MEOX1: variants seen among roughly 807,000 people sequenced by gnomAD.
MEOX1 encodes the protein homeobox protein MOX-1.
Under a neutral mutation model 23.2 loss-of-function variants are expected in MEOX1, and 17 were observed. The observed-to-expected ratio is 0.73, with a 90% confidence interval of 0.50 to 1.10. The LOEUF (loss-of-function observed/expected upper bound fraction) is 1.10. Among genes scored for constraint, MEOX1 ranks in the 50% least tolerant of loss-of-function variants. MEOX1 has a pLI of 0.00. For missense variants in MEOX1, 333 were observed against 332.2 expected, an observed-to-expected ratio of 1.00 and a Z score of -0.02; for synonymous variants, 134 against 135.1, an observed-to-expected ratio of 0.99 and a Z score of 0.06.
chr17:43,644,075 A>G (rs947378234), intron 1 of MEOX1, among the ~76,000 whole-genome samples: 1 of 152,186 alleles, frequency 6.6e-6, no homozygotes, highest in Non-Finnish European at 1.5e-5. Flanking sequence ...ATTACCTGAG[A>G]GCTTGTTACA....
At chr17:43,644,611 C>T (rs1179538990) in intron 1 of MEOX1, among the ~76,000 whole-genome samples, 1 of 152,188 alleles carries the variant, frequency 6.6e-6, no homozygotes, top group African/African-American at 2.4e-5. Flanking sequence ...CGATTTGACA[C>T]ACACATACTG....
chr17:43,646,111 G>T (rs1972806735), intron 1 of MEOX1, among the ~76,000 whole-genome samples: 1 of 152,160 alleles, frequency 6.6e-6, no homozygotes, highest in South Asian at 2.1e-4. Flanking sequence ...CCGCCCGCGG[G>T]GCGCGCCCGG....
chr17:43,661,149 C>A lies in MEOX1; in HGVS notation c.386G>T (p.Gly129Val), dbSNP rs908127062. The stretch of plus-strand genomic sequence containing the variant: ...AAGCACCCCGTAGTCATCGCCTGGG[C>A]CTCCTGTGGTGTCCACCAGGCCCAG... ...SSLGLVDTTG[G>V]PGDDYGVLGS... Residue 129 changes from glycine (G) to valine (V), a missense_variant, in exon 1 of 3, where the codon GGC becomes GTC. Transcript: ENST00000318579. 5.1e-6 allele frequency: 8 copies of A among 1,560,594 alleles called. No individual in the cohort carries two copies. The highest frequency in any genetic ancestry group is 6.1e-6 in the Non-Finnish European group (7 of 1,156,346).
intron 1 of MEOX1, among the ~76,000 whole-genome samples, chr17:43,648,059 A>G (rs1193951890): frequency 1.3e-5 from 2 of 152,234 alleles, no homozygotes; most frequent in Non-Finnish European, 2.9e-5. Flanking sequence ...ACAGTATTAC[A>G]AATTGCAATA....
At chr17:43,659,496 A>G (rs1973100999) in intron 1 of MEOX1, among the ~76,000 whole-genome samples, 1 of 152,108 alleles carries the variant, frequency 6.6e-6, no homozygotes, top group Admixed American at 6.5e-5. Flanking sequence ...TTTGAAATCT[A>G]CTGAAGGGGG....
At chr17:43,645,536 C>T (rs1383956467) in intron 1 of MEOX1, among the ~76,000 whole-genome samples, 1 of 152,166 alleles carries the variant, frequency 6.6e-6, no homozygotes, top group Admixed American at 6.5e-5. Context: ...TTTACCGAAA[C>T]CTGCGGCCCA....
rs1972749501 is a variant in MEOX1 at position 43,643,753 on chromosome 17, G to T, written c.470-93C>A. 11 of 938,766 alleles carry T rather than the reference G, an allele frequency of 1.2e-5. 1 individual carries two copies. Among genetic ancestry groups the T allele is most frequent in the Middle Eastern group, 2.2e-4 (1 of 4,504 alleles). The allele number at this position is 938,766 out of a possible 1,614,324, so 58.2% of individuals were successfully genotyped here. A position where few individuals can be genotyped will look rare whatever the true frequency, so the allele number is the denominator to read the frequency against. On this transcript the variant is annotated intron_variant, in intron 1 of 2. Coordinates refer to ENST00000318579, the MANE Select transcript of MEOX1 (RefSeq NM_004527.4). ...TTGAGCAACTAGGCAGTCTTTACCA[G>T]TCTCCCTTATTTTTACAGGATGCTG...
intron 1 of MEOX1, among the ~76,000 whole-genome samples, chr17:43,646,728 C>A (rs1972822092): frequency 6.6e-6 from 1 of 152,254 alleles, no homozygotes; most frequent in South Asian, 2.1e-4. Context: ...GTAATCCCAG[C>A]ACTTTGGGAA....
In MEOX1 at chr17:43,643,475, A is replaced by T. The variant is rs544228550; in HGVS notation, c.642+13T>A. 6.4e-7 allele frequency: 1 copy of T among 1,560,910 alleles called. No homozygotes were observed. The highest frequency in any genetic ancestry group is 1.4e-5 in the African/African-American group (1 of 73,882). ...AGAGAGCAAAGAAGAGGAGGGGCCC[A>T]CCGGGGGCGCACCTGGCGCTCAGAG... On this transcript the variant is annotated intron_variant, in intron 2 of 2. Transcript: ENST00000318579.
At chr17:43,649,073 A>G (rs907879621) in intron 1 of MEOX1, among the ~76,000 whole-genome samples, 4 of 152,184 alleles carry the variant, frequency 2.6e-5, no homozygotes, top group African/African-American at 4.8e-5. Flanking sequence ...TGTGCTTATC[A>G]GGCTGAGAAG....
At chr17:43,654,456 C>G (rs143680266) in intron 1 of MEOX1, among the ~76,000 whole-genome samples, 1 of 151,564 alleles carries the variant, frequency 6.6e-6, no homozygotes, top group Non-Finnish European at 1.5e-5. Flanking sequence ...TGCAGTGAGC[C>G]GTGATCACGC....
chr17:43,652,917 T>C (rs1002190459), intron 1 of MEOX1, among the ~76,000 whole-genome samples: 34 of 145,870 alleles, frequency 2.3e-4, no homozygotes, highest in African/African-American at 6.6e-4. Flanking sequence ...CTGCAAGCTG[T>C]GCCTCCCAGG....
intron 1 of MEOX1, among the ~76,000 whole-genome samples, chr17:43,659,991 T>C (rs536315753): frequency 2.6e-5 from 4 of 152,318 alleles, no homozygotes; most frequent in African/African-American, 7.2e-5. Context: ...CACCTGTTGG[T>C]TGGTGTCCTT....
At chr17:43,645,239 C>A (rs999344916) in intron 1 of MEOX1, among the ~76,000 whole-genome samples, 3 of 136,490 alleles carry the variant, frequency 2.2e-5, no homozygotes, top group African/African-American at 8.4e-5. Flanking sequence ...TGCAGTGGTG[C>A]GATCTCGGCT....
intron 2 of MEOX1, among the ~76,000 whole-genome samples, chr17:43,642,887 C>T (rs540363700): frequency 1.3e-5 from 2 of 152,200 alleles, no homozygotes; most frequent in South Asian, 4.1e-4. Flanking sequence ...ATAGCCAGAC[C>T]GTAGGTCCCA....
intron 1 of MEOX1, among the ~76,000 whole-genome samples, chr17:43,654,119 C>T (rs1972968252): frequency 6.6e-6 from 1 of 152,138 alleles, no homozygotes; most frequent in South Asian, 2.1e-4. Flanking sequence ...AACCCCAGTA[C>T]CTTAGAGTGT....
rs529262028 is a variant in MEOX1, at chr17:43,643,680, A to G, written c.470-20T>C. On this transcript the variant is annotated intron_variant, in intron 1 of 2. Transcript: ENST00000318579. Reference sequence around the variant, plus strand: ...GGTTGTCTGGGGAGAGAGGACCCCAAACAGGAAGACATGGGCTGAGGGAGA... The same window carrying G: ...GGTTGTCTGGGGAGAGAGGACCCCAGACAGGAAGACATGGGCTGAGGGAGA... The G allele has an allele frequency of 1.9e-6, 3 of 1,607,706 alleles. No homozygotes were observed. Among genetic ancestry groups the G allele is most frequent in the South Asian group, 2.2e-5 (2 of 89,992 alleles).
At position 43,640,762 on chromosome 17, in the gene MEOX1, T is replaced by G; in HGVS notation, c.*1148A>C. The stretch of plus-strand genomic sequence containing the variant: ...GAAGACCTGGCTGAGGTCTGGGCAG[T>G]CCACACACAAAAACCTAGCATTTCC... On this transcript the variant is annotated 3_prime_UTR_variant, in exon 3 of 3. Coordinates refer to ENST00000318579, the MANE Select transcript of MEOX1 (RefSeq NM_004527.4). 6.6e-6 allele frequency: 1 copy of G among 152,120 alleles called. No individual in the cohort carries two copies. The highest frequency in any genetic ancestry group is 1.9e-4 in the East Asian group (1 of 5,184). The allele number at this position is 152,120 out of a possible 1,614,324, so 9.4% of individuals were successfully genotyped here.
chr17:43,659,473 A>G (rs1973100794), intron 1 of MEOX1, among the ~76,000 whole-genome samples: 1 of 152,080 alleles, frequency 6.6e-6, no homozygotes, highest in African/African-American at 2.4e-5. Context: ...ATCATTTCAA[A>G]ATGAGGACTG....
Sources: allele counts gnomAD v4.1 joint callset (sites outside exome capture counted in the v4.1 genomes callset), GRCh38; gene constraint gnomAD v4.1.1; transcripts MANE v1.5; gene names NCBI Gene and HGNC (gene_info 2026-07-23, HGNC 2026-07-21).